The following POLE2 variants were observed in gnomAD, a reference collection of about 807,000 sequenced individuals.
POLE2 encodes the protein DNA polymerase epsilon subunit 2.
In POLE2, 56 loss-of-function variants were observed where a neutral mutation model predicts 79.4. The observed-to-expected ratio is 0.71, with a 90% CI of 0.57 to 0.88. The LOEUF (loss-of-function observed/expected upper bound fraction) is 0.88, where lower values mean the gene tolerates loss of function less well. POLE2 is among the 40% of genes least tolerant of loss of function. POLE2 has a pLI of 0.00. For synonymous variants in POLE2, 212 were observed against 214.0 expected, an observed-to-expected ratio of 0.99 and a Z score of 0.08; for missense variants, 598 against 638.9, an observed-to-expected ratio of 0.94 and a Z score of 0.69.
At chr14:49,664,744 A>G (rs1158032084) in intron 8 of POLE2, 70 bp from the exon 9 acceptor site, 1 of 925,772 alleles carries the variant, frequency 1.1e-6, no homozygotes, top group Non-Finnish European at 1.8e-6. Flanking sequence ...TTTTGAGTCC[A>G]ACAAGGCTTC....
intron 10 of POLE2, among the ~76,000 whole-genome samples, chr14:49,661,841 T>A (rs1241557601): frequency 6.6e-6 from 1 of 152,172 alleles, no homozygotes; most frequent in African/African-American, 2.4e-5. Context: ...ATACCAATCC[T>A]TTGGTTTACT....
At chr14:49,682,634 C>A in intron 2 of POLE2, among the ~76,000 whole-genome samples, 1 of 106,090 alleles carries the variant, frequency 9.4e-6, no homozygotes. Flanking sequence ...AAGACTCCTT[C>A]TCAGGGAAAA....
At chr14:49,650,173 G>A (rs111569931) in intron 17 of POLE2, 92 bp downstream of exon 17, 26 of 629,362 alleles carry the variant, frequency 4.1e-5, no homozygotes, top group African/African-American at 1.1e-4. Flanking sequence ...TTTTTACTTC[G>A]ACAATAATCT....
chr14:49,661,359 T>C (rs1885087986), intron 10 of POLE2, among the ~76,000 whole-genome samples: 1 of 152,200 alleles, frequency 6.6e-6, no homozygotes, highest in African/African-American at 2.4e-5. Flanking sequence ...TCCCACCAAG[T>C]GGACCAACTG....
At chr14:49,658,318 CG>C (rs1884857489) in intron 10 of POLE2, among the ~76,000 whole-genome samples, 1 of 152,106 alleles carries the variant, frequency 6.6e-6, no homozygotes, top group South Asian at 2.1e-4. Context: ...CCTCGTGATC[CG>C]CCCGCCTAGG....
intron 13 of POLE2, chr14:49,654,464 A>G (rs1884503876): frequency 2.2e-6 from 1 of 460,472 alleles, no homozygotes; most frequent in South Asian, 3.9e-5. Context: ...ACTGAATTTT[A>G]TATTTAAATT....
chr14:49,654,099 CT>C, intron 14 of POLE2, 32 bp from the exon 15 acceptor site: 1 of 1,586,550 alleles, frequency 6.3e-7, no homozygotes, highest in Non-Finnish European at 8.6e-7. Flanking sequence ...TATAGTTTAT[CT>C]TTTTAAGTTT....
chr14:49,665,632 G>GA (rs1472164290), intron 7 of POLE2, among the ~76,000 whole-genome samples: 37 of 150,068 alleles, frequency 2.5e-4, no homozygotes, highest in Non-Finnish European at 4.9e-4. Flanking sequence ...AAACACAGAT[G>GA]AAAAAGACAC....
Position 49,651,401 on chromosome 14 carries a change from T to A in POLE2, c.1212-24A>T, listed in dbSNP as rs45470293. On this transcript the variant is annotated intron_variant, in intron 15 of 18. Coordinates refer to ENST00000216367, the MANE Select transcript of POLE2 (RefSeq NM_002692.4). ...TTCTGAAATGAAAACAGTAGTTGAA[T>A]TTGACTTCTCAGAAAAAAATGATAT... 6.5e-5 allele frequency: 66 copies of A among 1,011,650 alleles called. No individual in the cohort carries two copies. The African/African-American group carries it at 9.9e-4, about 15-fold the overall frequency. The allele number at this position is 1,011,650 out of a possible 1,614,324, so 62.7% of individuals were successfully genotyped here. A position where few individuals can be genotyped will look rare whatever the true frequency, so the allele number is the denominator to read the frequency against.
At chr14:49,675,000 T>C (rs1377527717) in intron 3 of POLE2, among the ~76,000 whole-genome samples, 3 of 152,136 alleles carry the variant, frequency 2.0e-5, no homozygotes, top group Non-Finnish European at 4.4e-5. Context: ...GTTAAGAATT[T>C]CATCTGTTGA....
intron 17 of POLE2, among the ~76,000 whole-genome samples, chr14:49,648,174 ACT>A (rs1883926610): frequency 1.3e-5 from 2 of 152,204 alleles, no homozygotes; most frequent in East Asian, 3.9e-4. Context: ...CTACTATGAA[ACT>A]CTCACGTGGC....
Position 49,686,501 on chromosome 14 carries a change from A to G in POLE2, c.68+1635T>C, listed in dbSNP as rs187032222. 2.0e-3 allele frequency among the ~76,000 whole-genome samples: 297 copies of G among 152,264 alleles called. 1 individual carries two copies. The highest frequency in any genetic ancestry group is 6.6e-3 in the African/African-American group (273 of 41,562). ...ATTTGAGATGATCCATCTTGACTGCAACCTTGTGAAAAGACCCTGAAGTTG... is the reference window on the plus strand; with the variant it reads ...ATTTGAGATGATCCATCTTGACTGCGACCTTGTGAAAAGACCCTGAAGTTG... On this transcript the variant is annotated intron_variant, in intron 1 of 18. Transcript: ENST00000216367.
chr14:49,682,727 T>C (rs1490908599), intron 2 of POLE2, among the ~76,000 whole-genome samples: 2 of 151,632 alleles, frequency 1.3e-5, no homozygotes, highest in Non-Finnish European at 2.9e-5. Flanking sequence ...GTGTATTCAT[T>C]ATCAGTGCAT....
rs147908069 is a variant in POLE2 at position 49,678,426 on chromosome 14, G to A, written c.245+1299C>T. Among the ~76,000 whole-genome samples the A allele has an allele frequency of 2.4e-3, 361 of 152,226 alleles. 2 individuals carry two copies. The highest frequency in any genetic ancestry group is 4.3e-3 in the Non-Finnish European group (294 of 68,014). On this transcript the variant is annotated intron_variant, in intron 3 of 18. Coordinates refer to ENST00000216367, the MANE Select transcript of POLE2 (RefSeq NM_002692.4). ...ATGGTACATGGCTCTGTGCAGGACT[G>A]TTGAGCTCATATTACGTTCTGCCTC...
intron 18 of POLE2, 103 bp downstream of exon 18, chr14:49,647,190 G>GTAGA (rs1883840543): frequency 1.5e-6 from 1 of 660,142 alleles, no homozygotes; most frequent in South Asian, 1.9e-5. Context: ...ATGGGCCACT[G>GTAGA]TAGACATTTT....
intron 15 of POLE2, chr14:49,651,611 C>G (rs1884240371): frequency 5.7e-6 from 2 of 348,024 alleles, no homozygotes; most frequent in Non-Finnish European, 1.0e-5. Flanking sequence ...AGCCCTCATA[C>G]AGTTTACATT....
intron 10 of POLE2, among the ~76,000 whole-genome samples, chr14:49,662,781 A>C (rs1349910006): frequency 6.6e-6 from 1 of 152,228 alleles, no homozygotes; most frequent in Non-Finnish European, 1.5e-5. Context: ...TCTATAAACT[A>C]CTTTCAACCC....
intron 17 of POLE2, 68 bp from the exon 18 acceptor site, chr14:49,647,428 CAA>C: frequency 5.3e-6 from 3 of 564,020 alleles, no homozygotes; most frequent in Non-Finnish European, 8.9e-6. Context: ...TTTTTAAACA[CAA>C]TATGTATATT....
chr14:49,681,261 C>G (rs1288155817), intron 2 of POLE2: 1 of 212,730 alleles, frequency 4.7e-6, no homozygotes, highest in Non-Finnish European at 1.0e-5. Flanking sequence ...CCCTGAATCC[C>G]TATGGCAGTG....
Sources: allele counts gnomAD v4.1 joint callset (sites outside exome capture counted in the v4.1 genomes callset), GRCh38; gene constraint gnomAD v4.1.1; transcripts MANE v1.5; gene names NCBI Gene and HGNC (gene_info 2026-07-23, HGNC 2026-07-21).